MORN1: variants seen among roughly 807,000 people sequenced by gnomAD.
The protein encoded by MORN1 is MORN repeat containing 1.
MORN1 carries 67 observed loss-of-function variants against 61.9 expected under a neutral mutation model. That is an observed-to-expected ratio of 1.08 (90% confidence interval 0.89 to 1.33). MORN1 has a LOEUF of 1.33. MORN1 is among the 40% of genes most tolerant of loss of function. The pLI is 0.00. For missense variants in MORN1, 752 were observed against 691.2 expected, an observed-to-expected ratio of 1.09 and a Z score of -0.99; for synonymous variants, 301 against 292.0, an observed-to-expected ratio of 1.03 and a Z score of -0.31.
At chr1:2,326,889 C>G (rs1012095842) in intron 12 of MORN1, among the ~76,000 whole-genome samples, 1 of 152,220 alleles carries the variant, frequency 6.6e-6, no homozygotes, top group African/African-American at 2.4e-5. Context: ...CACAGCGACC[C>G]GGGCCTCACC....
chr1:2,346,701 A>C (rs1427602191), intron 10 of MORN1, among the ~76,000 whole-genome samples: 1 of 152,174 alleles, frequency 6.6e-6, no homozygotes, highest in Non-Finnish European at 1.5e-5. Context: ...TAAATTTTAA[A>C]GGAAAAGACA....
At chr1:2,323,716 C>A in intron 13 of MORN1, 2 of 985,372 alleles carry the variant, frequency 2.0e-6, no homozygotes, top group Non-Finnish European at 2.4e-6. Context: ...CTGCAGCCGG[C>A]CTTGCTGGGG....
chr1:2,357,733 G>T lies in MORN1; in HGVS notation c.870-135C>A. 9.6e-7 allele frequency: 1 copy of T among 1,046,052 alleles called. No homozygotes were observed. The highest frequency in any genetic ancestry group is 1.3e-6 in the Non-Finnish European group (1 of 774,612). 64.8% of individuals were successfully genotyped at this position (1,046,052 alleles called of 1,614,324 possible). On this transcript the variant is annotated intron_variant, in intron 9 of 13. Transcript: ENST00000378531. This position sits in a 1 kb window ranked among gnomAD's most constrained non-coding sequence, Gnocchi z 6.3. ...AGGGAGCGCTACTCAGCCTCTCTGG[G>T]AGGTCTCCTGCTGGGATGGGGCCAG...
At chr1:2,344,929 C>A (rs1641478756) in intron 10 of MORN1, among the ~76,000 whole-genome samples, 1 of 152,242 alleles carries the variant, frequency 6.6e-6, no homozygotes, top group Non-Finnish European at 1.5e-5. Flanking sequence ...GCGTCAGCCC[C>A]CGCGAGGGTC....
chr1:2,344,644 C>T (rs1299733214), intron 10 of MORN1, among the ~76,000 whole-genome samples: 2 of 152,156 alleles, frequency 1.3e-5, no homozygotes, highest in Non-Finnish European at 1.5e-5. Context: ...TGGCCTGCTC[C>T]GGCCTCCTTC....
chr1:2,378,574 C>A (rs373447808), intron 6 of MORN1: 2 of 245,022 alleles, frequency 8.2e-6, no homozygotes, highest in Admixed American at 5.1e-5. Flanking sequence ...CGGCACCCAG[C>A]GGCAACTCCG....
intron 10 of MORN1, among the ~76,000 whole-genome samples, chr1:2,338,359 C>T (rs1206544652): frequency 2.0e-5 from 3 of 152,208 alleles, no homozygotes; most frequent in African/African-American, 4.8e-5. Flanking sequence ...GCACTATTTA[C>T]GTCCGGGGCA....
At chr1:2,382,613 C>T (rs1199360631) in intron 6 of MORN1, among the ~76,000 whole-genome samples, 1 of 152,176 alleles carries the variant, frequency 6.6e-6, no homozygotes, top group African/African-American at 2.4e-5. Flanking sequence ...CTCCCTTAGG[C>T]GCACTCTCCC....
intron 5 of MORN1, chr1:2,385,388 C>T (rs1012776100): frequency 9.0e-6 from 4 of 445,664 alleles, no homozygotes; most frequent in East Asian, 4.2e-5. Context: ...GCTGAGACTC[C>T]GCCGTGGGAA....
At chr1:2,390,682 T>C (rs1207750972) in intron 1 of MORN1, 4 of 985,220 alleles carry the variant, frequency 4.1e-6, no homozygotes, top group South Asian at 9.4e-5. Context: ...CTGAAGATAG[T>C]AGTGTTAGCT....
intron 10 of MORN1, among the ~76,000 whole-genome samples, chr1:2,342,349 C>A (rs567250180): frequency 1.4e-4 from 21 of 152,246 alleles, no homozygotes; most frequent in Non-Finnish European, 2.8e-4. Context: ...CCGCGGCAGG[C>A]GCAGGACCTG....
chr1:2,390,432 TC>T, intron 1 of MORN1: 2 of 985,378 alleles, frequency 2.0e-6, no homozygotes, highest in Non-Finnish European at 2.4e-6. Flanking sequence ...TTCAGTGGCC[TC>T]CTATCGCTGG....
intron 6 of MORN1, among the ~76,000 whole-genome samples, chr1:2,380,007 CGT>C (rs1491136689): frequency 6.6e-6 from 1 of 152,298 alleles, no homozygotes; most frequent in African/African-American, 2.4e-5. Flanking sequence ...GGCAGAGAAG[CGT>C]GTCTGTCCAC....
chr1:2,337,761 C>T lies in MORN1; in HGVS notation c.1037-911G>A, dbSNP rs537158472. Among the ~76,000 whole-genome samples the T allele has an allele frequency of 6.6e-6, 1 of 152,076 alleles. No individual in the cohort carries two copies. The highest frequency in any genetic ancestry group is 2.4e-5 in the African/African-American group (1 of 41,408). ...GGGAGGAGGTGCTAGCAGGAGGCCA[C>T]GGGATGTGGTGAGGGCTGGAGGTCG... On this transcript the variant is annotated intron_variant, in intron 10 of 13. Transcript: ENST00000378531. The surrounding 1 kb of genome is among the most constrained non-coding windows in gnomAD (Gnocchi z 5.7).
chr1:2,339,364 A>T (rs544841271), intron 10 of MORN1, among the ~76,000 whole-genome samples: 1 of 152,234 alleles, frequency 6.6e-6, no homozygotes, highest in East Asian at 1.9e-4. Context: ...ACCATGAGAG[A>T]CAGCGGTCCA....
At chr1:2,329,055 G>A (rs1641093916) in intron 12 of MORN1, among the ~76,000 whole-genome samples, 1 of 152,186 alleles carries the variant, frequency 6.6e-6, no homozygotes, top group South Asian at 2.1e-4. Context: ...ACACCCAGGT[G>A]CCCTGTCCCC....
At chr1:2,338,926 C>G (rs1641338437) in intron 10 of MORN1, among the ~76,000 whole-genome samples, 1 of 152,036 alleles carries the variant, frequency 6.6e-6, no homozygotes, top group South Asian at 2.1e-4. Context: ...AAAGGGAGCC[C>G]TCCCTGCGCA....
intron 6 of MORN1, chr1:2,379,054 T>C (rs1447594567): frequency 2.1e-6 from 1 of 471,100 alleles, no homozygotes; most frequent in South Asian, 1.5e-5. Flanking sequence ...TCATAGAGCT[T>C]TGCATTAAGG....
At chr1:2,379,350 C>G (rs928872821) in intron 6 of MORN1, 2 of 358,120 alleles carry the variant, frequency 5.6e-6, no homozygotes, top group Non-Finnish European at 1.1e-5. Flanking sequence ...TAAAAATAAA[C>G]GAACAGCCGG....
Sources: allele counts gnomAD v4.1 joint callset (sites outside exome capture counted in the v4.1 genomes callset), GRCh38; gene constraint gnomAD v4.1.1; non-coding constraint Gnocchi (gnomAD v3.1); transcripts MANE v1.5; gene names NCBI Gene and HGNC (gene_info 2026-07-23, HGNC 2026-07-21).